The following SLC13A3 variants were observed in gnomAD, a reference collection of about 807,000 sequenced individuals.
SLC13A3 encodes solute carrier family 13 member 3, also known as Na(+)/dicarboxylate cotransporter 3.
Under a neutral mutation model 59.0 loss-of-function variants are expected in SLC13A3, and 40 were observed. The observed-to-expected ratio is 0.68, with a 90% CI of 0.53 to 0.88. The LOEUF is 0.88. Ranked by LOEUF, SLC13A3 falls within the 40% of genes least tolerant of loss-of-function variation. SLC13A3 has a pLI of 0.00. For synonymous variants in SLC13A3, 317 were observed against 330.3 expected (o/e 0.96, Z 0.44); for missense variants, 699 against 783.2 (o/e 0.89, Z 1.28).
At chr20:46,595,551 G>A (rs1245342698) in intron 5 of SLC13A3, among the ~76,000 whole-genome samples, 2 of 152,126 alleles carry the variant, frequency 1.3e-5, no homozygotes, top group East Asian at 3.9e-4. Flanking sequence ...GCCTCCCGCT[G>A]GATCACTCCT....
intron 3 of SLC13A3, chr20:46,600,503 C>T: frequency 3.5e-6 from 1 of 286,624 alleles, no homozygotes; most frequent in Admixed American, 3.7e-5. Context: ...GTCCTACCAT[C>T]CATATGTGAA....
At chr20:46,650,590 A>G (rs963148563) in intron 1 of SLC13A3, among the ~76,000 whole-genome samples, 2 of 152,156 alleles carry the variant, frequency 1.3e-5, no homozygotes, top group African/African-American at 2.4e-5. Context: ...CCTCATTGAT[A>G]TTCACCGCTG....
intron 8 of SLC13A3, 97 bp downstream of exon 8, chr20:46,587,962 G>A (rs1045159652): frequency 3.1e-5 from 18 of 576,180 alleles, no homozygotes; most frequent in Middle Eastern, 3.5e-4. Flanking sequence ...ACTTGGATGC[G>A]TGTCTCCCCA....
chr20:46,612,090 C>CTTTTCTTT (rs1287126417), intron 2 of SLC13A3, among the ~76,000 whole-genome samples: 1 of 110,308 alleles, frequency 9.1e-6, no homozygotes, highest in East Asian at 2.7e-4. Context: ...TCTGTCTTTT[C>CTTTTCTTT]TTTTCTTTCT....
chr20:46,680,169 GC>G (rs1413526970), intron 1 of SLC13A3, among the ~76,000 whole-genome samples: 1 of 152,182 alleles, frequency 6.6e-6, no homozygotes, highest in East Asian at 1.9e-4. Context: ...GAAGTTGTTA[GC>G]AATGCAGATT....
chr20:46,666,586 C>A (rs2063063872), intron 1 of SLC13A3, among the ~76,000 whole-genome samples: 1 of 151,994 alleles, frequency 6.6e-6, no homozygotes, highest in Non-Finnish European at 1.5e-5. Flanking sequence ...TCACTGCAGC[C>A]TTGACTTCCC....
chr20:46,668,339 A>C (rs906754944), intron 1 of SLC13A3, among the ~76,000 whole-genome samples: 2 of 152,232 alleles, frequency 1.3e-5, no homozygotes, highest in Non-Finnish European at 2.9e-5. Flanking sequence ...GAACACATGG[A>C]TGATAAGAAA....
At chr20:46,610,954 C>G (rs1322913301) in intron 2 of SLC13A3, among the ~76,000 whole-genome samples, 1 of 151,946 alleles carries the variant, frequency 6.6e-6, no homozygotes, top group Admixed American at 6.6e-5. Flanking sequence ...TCTCAGCTTC[C>G]TCCCTCTTTT....
At chr20:46,611,356 A>G (rs988568552) in intron 2 of SLC13A3, among the ~76,000 whole-genome samples, 3 of 152,174 alleles carry the variant, frequency 2.0e-5, no homozygotes, top group African/African-American at 7.2e-5. Flanking sequence ...AGTCAAGCTC[A>G]AATGTGACCT....
chr20:46,577,641 A>T (rs2146102097), intron 9 of SLC13A3, among the ~76,000 whole-genome samples: 1 of 152,330 alleles, frequency 6.6e-6, no homozygotes, highest in Middle Eastern at 3.4e-3. Context: ...AATGTTAGCT[A>T]CCATGGGTTT....
At position 46,585,794 on chromosome 20, in the gene SLC13A3, G is replaced by A. The variant is rs1273342161; in HGVS notation, c.1122-2125C>T. The A allele has an allele frequency of 2.3e-6, 3 of 1,280,414 alleles. No individual in the cohort carries two copies. The Admixed American group carries it at 7.9e-5, about 34-fold the overall frequency. The allele number at this position is 1,280,414 out of a possible 1,614,324, so 79.3% of individuals were successfully genotyped here. A position where few individuals can be genotyped will look rare whatever the true frequency, so the allele number is the denominator to read the frequency against. ...TTAGAAAAATAAAAAAATGGTAAGAGCAACAAGAGCTTCATGGCTTCATGA... is the reference window on the plus strand; with the variant it reads ...TTAGAAAAATAAAAAAATGGTAAGAACAACAAGAGCTTCATGGCTTCATGA... On this transcript the variant is annotated intron_variant, in intron 8 of 12. Coordinates refer to ENST00000279027, the MANE Select transcript of SLC13A3 (RefSeq NM_022829.6).
At chr20:46,597,895 A>T (rs1456811924) in intron 4 of SLC13A3, among the ~76,000 whole-genome samples, 1 of 152,240 alleles carries the variant, frequency 6.6e-6, no homozygotes, top group Non-Finnish European at 1.5e-5. Flanking sequence ...TAAGCGAATG[A>T]AACTGAGAAT....
chr20:46,617,969 G>A (rs1455438016), intron 1 of SLC13A3, among the ~76,000 whole-genome samples: 1 of 152,194 alleles, frequency 6.6e-6, no homozygotes, highest in Non-Finnish European at 1.5e-5. Context: ...TTGTAAATAT[G>A]AGTCCTCGGT....
chr20:46,566,977 G>A lies in SLC13A3; in HGVS notation c.1333-587C>T, dbSNP rs148463631. On this transcript the variant is annotated intron_variant, in intron 10 of 12. Coordinates refer to ENST00000279027, the MANE Select transcript of SLC13A3 (RefSeq NM_022829.6). Reference sequence around the variant, plus strand: ...CCAGCACTTTGGGAGGCTGAGGTAGGCGGATCACTTGAGGTCAGGAGTTCG... The same window carrying A: ...CCAGCACTTTGGGAGGCTGAGGTAGACGGATCACTTGAGGTCAGGAGTTCG... Among the ~76,000 whole-genome samples the A allele has an allele frequency of 5.8e-3, 888 of 152,078 alleles. 16 individuals carry two copies. Among genetic ancestry groups the A allele is most frequent in the African/African-American group, 0.021 (852 of 41,490 alleles).
chr20:46,673,361 G>C (rs1375761863), upstream of SLC13A3, among the ~76,000 whole-genome samples: 11 of 152,190 alleles, frequency 7.2e-5, 1 homozygote, highest in Admixed American at 7.2e-4. Flanking sequence ...CACAGTGCTA[G>C]GCATTTACAT....
At chr20:46,661,862 G>GTGTCTT (rs1185887100) in intron 1 of SLC13A3, among the ~76,000 whole-genome samples, 7 of 152,168 alleles carry the variant, frequency 4.6e-5, no homozygotes, top group African/African-American at 1.7e-4. Context: ...ACTTTTGAGA[G>GTGTCTT]TGTCTTATAC....
rs758839849 is a variant in SLC13A3 at position 46,596,199 on chromosome 20, G to A, written c.752C>T (p.Thr251Met). The A allele has an allele frequency of 1.3e-5, 21 of 1,613,964 alleles. No individual in the cohort carries two copies. The highest frequency in any genetic ancestry group is 3.3e-5 in the South Asian group (3 of 91,082). The change falls in exon 5 of 13, where the codon ACG (threonine) becomes ATG (methionine). Residue 251 changes from threonine (T) to methionine (M), a missense_variant. Physicochemically the swap from Thr to Met is moderately conservative, Grantham distance 81 (BLOSUM62 -1). Coordinates refer to ENST00000279027, the MANE Select transcript of SLC13A3 (RefSeq NM_022829.6). ...CAGGATGAGGTTAGGGGCTGTGCCC[G>A]TGAGTGTGGCTGTGCCCCCAATACT... The part of the protein sequence containing the change: ...SASIGGTATL[T>M]GTAPNLILLG...
upstream of SLC13A3, among the ~76,000 whole-genome samples, chr20:46,654,507 C>G (rs868784492): frequency 1.4e-4 from 21 of 152,166 alleles, no homozygotes; most frequent in African/African-American, 4.6e-4. Context: ...AGTGTTTTAA[C>G]TTTTCCTTCA....
rs532053558 is a variant in SLC13A3 at position 46,609,113 on chromosome 20, A to G, written c.541+1333T>C. On this transcript the variant is annotated intron_variant, in intron 3 of 12. Transcript: ENST00000279027. ...GGTTAAACTAGCCATTTCTGCCCAC[A>G]TATGTATCAATTCAAATCTTCCTTT... The G allele has an allele frequency of 6.8e-5, 103 of 1,507,560 alleles. No homozygotes were observed. The African/African-American group carries it at 8.1e-4, about 12-fold the overall frequency. 93.4% of individuals were successfully genotyped at this position (1,507,560 alleles called of 1,614,324 possible).
Sources: allele counts gnomAD v4.1 joint callset (sites outside exome capture counted in the v4.1 genomes callset), GRCh38; gene constraint gnomAD v4.1.1; transcripts MANE v1.5; gene names NCBI Gene and HGNC (gene_info 2026-07-23, HGNC 2026-07-21).